Variants in ATXN1 observed in about 807,000 individuals in gnomAD.
The protein encoded by ATXN1 is ataxin-1.
A neutral mutation model predicts 56.4 loss-of-function variants in ATXN1; 8 were observed. The ratio of observed to expected loss-of-function variants is 0.14; its 90% CI spans 0.08 to 0.26. The LOEUF (loss-of-function observed/expected upper bound fraction) is 0.26, where lower values mean the gene tolerates loss of function less well. ATXN1 is among the 10% of genes least tolerant of loss of function. The pLI, the probability that ATXN1 is intolerant of heterozygous loss-of-function variation, is 1.00. For synonymous variants in ATXN1, 514 were observed against 494.6 expected, an observed-to-expected ratio of 1.04 and a Z score of -0.52; for missense variants, 987 against 1,106.5, an observed-to-expected ratio of 0.89 and a Z score of 1.53.
At chr6:16,602,455 C>CT (rs779197941) in intron 3 of ATXN1, among the ~76,000 whole-genome samples, 1,558 of 139,804 alleles carry the variant, frequency 0.011, 16 homozygotes, top group African/African-American at 0.035. Flanking sequence ...AGCCAAAATT[C>CT]TTTTTTTTTT....
At chr6:16,335,441 G>A (rs1761097602) in intron 6 of ATXN1, among the ~76,000 whole-genome samples, 1 of 152,180 alleles carries the variant, frequency 6.6e-6, no homozygotes. Context: ...CCTGGGACAT[G>A]GGATCTTGCT....
intron 5 of ATXN1, among the ~76,000 whole-genome samples, chr6:16,516,119 T>C (rs891716116): frequency 6.6e-6 from 1 of 152,212 alleles, no homozygotes; most frequent in Non-Finnish European, 1.5e-5. Flanking sequence ...GTCCTTATGA[T>C]TGTCCCATCA....
rs1341379014 is a variant in ATXN1, at chr6:16,691,622, G to A, written c.-614-33721C>T. Among the ~76,000 whole-genome samples the A allele has an allele frequency of 2.0e-5, 3 of 152,134 alleles. No individual in the cohort carries two copies. The East Asian group carries it at 5.8e-4, about 29-fold the overall frequency. On this transcript the variant is annotated intron_variant, in intron 2 of 7. Coordinates refer to ENST00000436367, the MANE Select transcript of ATXN1 (RefSeq NM_001128164.2). ...TATACAGGCTGAAGTACAATGTCAA[G>A]AAAACATGTTAAAGGGTGGTAAATA...
intron 5 of ATXN1, among the ~76,000 whole-genome samples, chr6:16,520,432 G>A (rs1761265983): frequency 6.6e-6 from 1 of 152,070 alleles, no homozygotes; most frequent in African/African-American, 2.4e-5. Flanking sequence ...GACCCCAGAA[G>A]GAAACCAAAG....
intron 6 of ATXN1, among the ~76,000 whole-genome samples, chr6:16,408,598 A>G (rs937475325): frequency 2.0e-5 from 3 of 152,198 alleles, no homozygotes; most frequent in African/African-American, 7.2e-5. Flanking sequence ...TGTCACTTAC[A>G]ACCTTTTCAG....
At chr6:16,369,374 C>A (rs1761992443) in intron 6 of ATXN1, among the ~76,000 whole-genome samples, 1 of 152,202 alleles carries the variant, frequency 6.6e-6, no homozygotes, top group African/African-American at 2.4e-5. Context: ...GATGAATAAA[C>A]CTGATCTCCA....
intron 6 of ATXN1, among the ~76,000 whole-genome samples, chr6:16,364,091 G>A (rs774507837): frequency 6.6e-6 from 1 of 152,112 alleles, no homozygotes; most frequent in Non-Finnish European, 1.5e-5. Flanking sequence ...AAGTTCAAGA[G>A]CTGGAGTCGC....
At chr6:16,748,541 G>C (rs1217521493) in intron 2 of ATXN1, among the ~76,000 whole-genome samples, 3 of 152,140 alleles carry the variant, frequency 2.0e-5, no homozygotes, top group African/African-American at 7.2e-5. Flanking sequence ...CTGTGCAATG[G>C]AGAAAATAAT....
intron 6 of ATXN1, among the ~76,000 whole-genome samples, chr6:16,333,567 C>A (rs151192658): frequency 1.3e-5 from 2 of 152,182 alleles, no homozygotes; most frequent in African/African-American, 4.8e-5. Context: ...TTTTCCTACA[C>A]CCCCAATCCT....
intron 2 of ATXN1, among the ~76,000 whole-genome samples, chr6:16,746,967 C>G (rs1760555276): frequency 2.0e-5 from 3 of 152,076 alleles, no homozygotes; most frequent in South Asian, 4.2e-4. Context: ...CAGCAAGGTA[C>G]AGTGAGTAGC....
intron 2 of ATXN1, among the ~76,000 whole-genome samples, chr6:16,730,487 G>GTGTGTGTATATATATATATATATATATA: frequency 7.6e-6 from 1 of 132,060 alleles, no homozygotes; most frequent in Non-Finnish European, 1.7e-5. Flanking sequence ...AAAACAGTAT[G>GTGTGTGTATATATATATATATATATATA]TATATATATA....
At chr6:16,516,139 A>G (rs1485157194) in intron 5 of ATXN1, among the ~76,000 whole-genome samples, 3 of 152,198 alleles carry the variant, frequency 2.0e-5, no homozygotes, top group Non-Finnish European at 2.9e-5. Flanking sequence ...ACCATAGCTA[A>G]TTAATGTTAA....
intron 5 of ATXN1, among the ~76,000 whole-genome samples, chr6:16,502,297 CAA>C (rs771953474): frequency 1.3e-5 from 2 of 152,246 alleles, no homozygotes; most frequent in African/African-American, 4.8e-5. Context: ...TCTAAATTTG[CAA>C]AGTTTCATTG....
At chr6:16,647,479 T>C (rs752109775) in intron 3 of ATXN1, among the ~76,000 whole-genome samples, 6 of 152,208 alleles carry the variant, frequency 3.9e-5, no homozygotes, top group Non-Finnish European at 7.4e-5. Context: ...TAACTATTTA[T>C]TGTGAACTAC....
At chr6:16,354,297 G>A (rs1318844826) in intron 6 of ATXN1, among the ~76,000 whole-genome samples, 3 of 151,394 alleles carry the variant, frequency 2.0e-5, no homozygotes, top group Non-Finnish European at 2.9e-5. Context: ...TCGCTCTGTC[G>A]CCCAGGCTGG....
chr6:16,698,656 A>T (rs973372072), intron 2 of ATXN1, among the ~76,000 whole-genome samples: 84 of 150,550 alleles, frequency 5.6e-4, no homozygotes, highest in African/African-American at 1.5e-3. Flanking sequence ...AAATTAAAAA[A>T]AAAAAAAAAA....
chr6:16,673,010 T>TCC (rs1373365430), intron 2 of ATXN1, among the ~76,000 whole-genome samples: 2 of 66,350 alleles, frequency 3.0e-5, no homozygotes, highest in African/African-American at 6.8e-5. Flanking sequence ...GAGACTCCGT[T>TCC]CCCCCCCGCC....
At chr6:16,486,452 C>T (rs542143662) in intron 5 of ATXN1, among the ~76,000 whole-genome samples, 1 of 152,288 alleles carries the variant, frequency 6.6e-6, no homozygotes, top group Admixed American at 6.5e-5. Flanking sequence ...TCATATCTTA[C>T]TGGGTCATGG....
chr6:16,665,526 C>G (rs1447129665), intron 2 of ATXN1, among the ~76,000 whole-genome samples: 1 of 150,792 alleles, frequency 6.6e-6, no homozygotes, highest in Non-Finnish European at 1.5e-5. Flanking sequence ...TACAGATGTC[C>G]CTCCAGAAAA....
Sources: gnomAD v4.1 joint callset for allele counts (sites outside exome capture counted in the v4.1 genomes callset) on GRCh38, gnomAD v4.1.1 for gene constraint, MANE v1.5 for transcripts, NCBI Gene and HGNC (gene_info 2026-07-23, HGNC 2026-07-21) for gene names.